Variants in PDE1C observed in about 807,000 individuals in gnomAD.
PDE1C encodes the protein phosphodiesterase 1C, also known as dual specificity calcium/calmodulin-dependent 3',5'-cyclic nucleotide phosphodiesterase 1C.
A neutral mutation model predicts 93.1 loss-of-function variants in PDE1C; 62 were observed. The ratio of observed to expected loss-of-function variants is 0.67; its 90% CI spans 0.54 to 0.82. PDE1C has a LOEUF of 0.82. Among genes scored for constraint, PDE1C ranks in the 40% least tolerant of loss-of-function variants. The pLI is 0.00. For synonymous variants in PDE1C, 325 were observed against 310.1 expected, an observed-to-expected ratio of 1.05 and a Z score of -0.50; for missense variants, 742 against 884.6, an observed-to-expected ratio of 0.84 and a Z score of 2.04.
chr7:31,658,296 T>TC, the PDE1C span: 23 of 1,496,622 alleles, frequency 1.5e-5, no homozygotes, highest in East Asian at 2.6e-5. Flanking sequence ...CAGAGCTGGA[T>TC]CCCTTTTTTT....
chr7:31,643,947 A>G, the PDE1C span: 12 of 1,607,872 alleles, frequency 7.5e-6, no homozygotes, highest in African/African-American at 1.5e-4. Context: ...TGAGGGAGCT[A>G]TGTTCCGTAA....
At chr7:32,378,008 G>A (rs893936028) in intron 1 of PDE1C, among the ~76,000 whole-genome samples, 1 of 152,212 alleles carries the variant, frequency 6.6e-6, no homozygotes, top group Admixed American at 6.5e-5. Flanking sequence ...CTGGAAGGGA[G>A]GAGGAGCAGC....
intron 2 of PDE1C, among the ~76,000 whole-genome samples, chr7:32,170,293 G>C (rs566240435): frequency 6.6e-6 from 1 of 152,210 alleles, no homozygotes; most frequent in South Asian, 2.1e-4. Context: ...TTAGGGAACT[G>C]TGAGGATGTT....
intron 16 of PDE1C, among the ~76,000 whole-genome samples, chr7:31,794,109 TGGGCAGGCGGGCAGGCAGGCAGGCAGAC>T (rs1784995007): frequency 6.7e-6 from 1 of 148,960 alleles, no homozygotes; most frequent in African/African-American, 2.5e-5. Flanking sequence ...GACAGATAGA[TGGGCAGGCGGGCAGGCAGGCAGGCAGAC>T]AGACAGACAG....
chr7:32,052,311 C>A, intron 1 of PDE1C: 1 of 485,732 alleles, frequency 2.1e-6, no homozygotes, highest in Admixed American at 2.1e-5. Context: ...GTGCATCAGG[C>A]TTCTTAATCT....
the PDE1C span, among the ~76,000 whole-genome samples, chr7:31,622,318 C>T: frequency 6.6e-6 from 1 of 151,826 alleles, no homozygotes; most frequent in Non-Finnish European, 1.5e-5. Context: ...TTTTCAGCAC[C>T]ACACCACACC....
At chr7:32,007,165 A>T (rs1467230517) in intron 2 of PDE1C, among the ~76,000 whole-genome samples, 1 of 152,210 alleles carries the variant, frequency 6.6e-6, no homozygotes, top group Non-Finnish European at 1.5e-5. Context: ...TTAGGACCCA[A>T]ATAGATCTTA....
the PDE1C span, among the ~76,000 whole-genome samples, chr7:31,691,523 C>A: frequency 2.6e-5 from 4 of 152,090 alleles, no homozygotes; most frequent in Non-Finnish European, 1.5e-5. Flanking sequence ...TCAGCTAATG[C>A]ATTTCTCCTT....
intron 2 of PDE1C, among the ~76,000 whole-genome samples, chr7:32,044,409 A>G (rs1419659150): frequency 6.6e-6 from 1 of 152,194 alleles, no homozygotes; most frequent in Non-Finnish European, 1.5e-5. Context: ...AAGCAAGTGT[A>G]GGCAGCCTTA....
intron 16 of PDE1C, among the ~76,000 whole-genome samples, chr7:31,792,741 G>GC (rs1261955798): frequency 1.3e-5 from 2 of 152,058 alleles, no homozygotes; most frequent in Admixed American, 1.3e-4. Context: ...AATTCAGTAA[G>GC]CATCAGCAAG....
At chr7:31,775,813 T>C (rs1011359487) in intron 16 of PDE1C, 81 bp from the exon 17 acceptor site, 17 of 1,199,874 alleles carry the variant, frequency 1.4e-5, no homozygotes, top group Admixed American at 3.7e-5. Context: ...TCTGAAATGT[T>C]ATCAAGTTGG....
chr7:31,950,574 A>G (rs1393506623), intron 2 of PDE1C, among the ~76,000 whole-genome samples: 1 of 152,164 alleles, frequency 6.6e-6, no homozygotes, highest in Middle Eastern at 3.2e-3. Context: ...TGTGAGTTTA[A>G]GTGTATGTTC....
chr7:32,317,881 G>T, intron 1 of PDE1C, among the ~76,000 whole-genome samples: 1 of 152,156 alleles, frequency 6.6e-6, no homozygotes, highest in East Asian at 1.9e-4. Flanking sequence ...TGGTATCATT[G>T]TGTCCTTGTC....
chr7:32,229,228 A>G (rs1807513281), intron 1 of PDE1C, among the ~76,000 whole-genome samples: 1 of 152,172 alleles, frequency 6.6e-6, no homozygotes, highest in Non-Finnish European at 1.5e-5. Context: ...AGGCATTACT[A>G]TTCTCTTTTA....
chr7:32,105,765 A>G (rs1798275953), intron 3 of PDE1C, among the ~76,000 whole-genome samples: 1 of 150,986 alleles, frequency 6.6e-6, no homozygotes, highest in Non-Finnish European at 1.5e-5. Context: ...GGCTCAAGCA[A>G]TCCTCCTGCC....
chr7:31,912,869 A>G (rs995134204), intron 2 of PDE1C, among the ~76,000 whole-genome samples: 1 of 152,156 alleles, frequency 6.6e-6, no homozygotes, highest in African/African-American at 2.4e-5. Context: ...TATTTCAAAG[A>G]CAATAAATGA....
chr7:31,753,619 AT>A, intron 17 of PDE1C, 66 bp from the exon 18 acceptor site: 1 of 1,529,334 alleles, frequency 6.5e-7, no homozygotes, highest in Non-Finnish European at 8.8e-7. Context: ...CAACCTAAAT[AT>A]TGTGAGCAAC....
intron 13 of PDE1C, among the ~76,000 whole-genome samples, chr7:31,824,149 G>A (rs1789354282): frequency 6.6e-6 from 1 of 151,918 alleles, no homozygotes; most frequent in African/African-American, 2.4e-5. Context: ...CCTCCTTTAT[G>A]ACAAAGCCCA....
At chr7:31,617,515 A>G in the PDE1C span, among the ~76,000 whole-genome samples, 2 of 152,162 alleles carry the variant, frequency 1.3e-5, no homozygotes, top group East Asian at 1.9e-4. Context: ...ACAGAAAACA[A>G]CTTCATTGTG....
Sources: allele counts gnomAD v4.1 joint callset (sites outside exome capture counted in the v4.1 genomes callset), GRCh38; gene constraint gnomAD v4.1.1; transcripts MANE v1.5; gene names NCBI Gene and HGNC (gene_info 2026-07-23, HGNC 2026-07-21).